Variants in ZGRF1 observed in about 807,000 individuals in gnomAD.
ZGRF1 encodes the protein 5'-3' DNA helicase ZGRF1.
ZGRF1 carries 196 observed loss-of-function variants against 203.5 expected under a neutral mutation model. That is an observed-to-expected ratio of 0.96 (90% CI 0.86 to 1.08). The LOEUF is 1.08. ZGRF1 is among the 50% of genes least tolerant of loss of function. The pLI, the probability that ZGRF1 is intolerant of heterozygous loss-of-function variation, is 0.00. For synonymous variants in ZGRF1, 809 were observed against 841.3 expected, an observed-to-expected ratio of 0.96 and a Z score of 0.66; for missense variants, 2,326 against 2,416.3, an observed-to-expected ratio of 0.96 and a Z score of 0.78.
intron 16 of ZGRF1, among the ~76,000 whole-genome samples, chr4:112,581,194 C>T (rs909143984): frequency 1.4e-5 from 2 of 147,594 alleles, no homozygotes; most frequent in East Asian, 4.0e-4. Flanking sequence ...AACCAAACAC[C>T]GCATGTTCTC....
Position 112,539,702 on chromosome 4 carries a change from T to C in ZGRF1, c.6173-13A>G, listed in dbSNP as rs1737154694. The C allele has an allele frequency of 1.3e-6, 2 of 1,589,748 alleles. No individual in the cohort carries two copies. Among genetic ancestry groups the C allele is most frequent in the East Asian group, 2.2e-5 (1 of 44,742 alleles). ...CCATCTTCCCTTCCTTAAAAAAACA[T>C]ACGACATGAGACAACTATTCTTTAT... On this transcript the variant is annotated splice_polypyrimidine_tract_variant and intron_variant, in intron 27 of 27. Transcript: ENST00000505019.
chr4:112,634,629 C>G (rs550779012), intron 1 of ZGRF1, among the ~76,000 whole-genome samples: 1 of 150,652 alleles, frequency 6.6e-6, no homozygotes, highest in Admixed American at 6.6e-5. Flanking sequence ...CCAGCCTGGG[C>G]GACAAGAGCA....
At chr4:112,598,759 A>G (rs1220235253) in intron 10 of ZGRF1, among the ~76,000 whole-genome samples, 1 of 152,180 alleles carries the variant, frequency 6.6e-6, no homozygotes, top group Non-Finnish European at 1.5e-5. Flanking sequence ...TTTTAGAAAA[A>G]TCATAATCAG....
At chr4:112,624,506 G>C (rs2047165388) in intron 3 of ZGRF1, among the ~76,000 whole-genome samples, 1 of 151,866 alleles carries the variant, frequency 6.6e-6, no homozygotes, top group Non-Finnish European at 1.5e-5. Context: ...ACACATTAAA[G>C]GGGACAAACA....
chr4:112,597,316 A>G (rs1214121352), intron 10 of ZGRF1, among the ~76,000 whole-genome samples: 1 of 151,708 alleles, frequency 6.6e-6, no homozygotes, highest in Non-Finnish European at 1.5e-5. Context: ...ACTTGAGGGC[A>G]GGAGTTTGAG....
chr4:112,596,125 A>T (rs1026181673), intron 10 of ZGRF1, among the ~76,000 whole-genome samples: 2 of 152,246 alleles, frequency 1.3e-5, no homozygotes, highest in African/African-American at 4.8e-5. Flanking sequence ...TTCAATATGG[A>T]ATACCTCTAA....
At chr4:112,615,805 T>C (rs2046847738) in intron 6 of ZGRF1, among the ~76,000 whole-genome samples, 1 of 151,558 alleles carries the variant, frequency 6.6e-6, no homozygotes, top group Non-Finnish European at 1.5e-5. Flanking sequence ...ATCTAATTTT[T>C]TATATTTTTA....
At chr4:112,612,248 G>A (rs1035585046) in intron 7 of ZGRF1, among the ~76,000 whole-genome samples, 2 of 152,214 alleles carry the variant, frequency 1.3e-5, no homozygotes, top group African/African-American at 4.8e-5. Flanking sequence ...TTACAGGCGT[G>A]AGCCTCCACG....
At chr4:112,562,077 T>G (rs536340302) in intron 18 of ZGRF1, among the ~76,000 whole-genome samples, 1 of 152,158 alleles carries the variant, frequency 6.6e-6, no homozygotes, top group East Asian at 1.9e-4. Flanking sequence ...GCCCAGCTAA[T>G]TTTGTATTTT....
rs766326162 is a variant in ZGRF1, at chr4:112,618,525, C to T, written c.1517G>A (p.Ser506Asn). The T allele has an allele frequency of 3.7e-6, 6 of 1,612,974 alleles. No homozygotes were observed. The African/African-American group carries it at 8.0e-5, about 22-fold the overall frequency. Residue 506 changes from serine (S) to asparagine (N), a missense_variant, in exon 6 of 28, where the codon AGT becomes AAT. Ser to Asn is a conservative substitution (Grantham distance 46, BLOSUM62 1). Coordinates refer to ENST00000505019, the MANE Select transcript of ZGRF1 (RefSeq NM_018392.5). The part of the protein sequence containing the change: ...SDDITDMISE[S>N]KMDNESLNSI... ...ATTAAGACTTTCATTATCCATTTTA[C>T]TTTCAGAAATCATGTCTGTAATGTC...
intron 4 of ZGRF1, among the ~76,000 whole-genome samples, chr4:112,620,794 G>A (rs1313013376): frequency 6.6e-6 from 1 of 150,894 alleles, no homozygotes; most frequent in Non-Finnish European, 1.5e-5. Context: ...AGACTAGGAG[G>A]TCAAGGCTGC....
At chr4:112,630,025 G>GAAA (rs752264790) in intron 3 of ZGRF1, 3 of 159,600 alleles carry the variant, frequency 1.9e-5, no homozygotes, top group Middle Eastern at 5.6e-4. Flanking sequence ...TCTAAAAAAA[G>GAAA]AAAAAAAAAA....
chr4:112,562,474 C>T lies in ZGRF1; in HGVS notation c.4594G>A (p.Ala1532Thr). ...SNWPTNMVVH[A>T]LLVCNASTEL... Reference sequence around the variant, plus strand: ...GTGCTAGCATTACAAACCAATAACGCATGGACAACCACTGTACAGAGGATG... The same window carrying T: ...GTGCTAGCATTACAAACCAATAACGTATGGACAACCACTGTACAGAGGATG... Residue 1532 changes from alanine (A) to threonine (T), a missense_variant, in exon 18 of 28, where the codon GCG (alanine) becomes ACG (threonine). Physicochemically the swap from Ala to Thr is moderately conservative, Grantham distance 58. Transcript: ENST00000505019. 3.8e-6 allele frequency: 6 copies of T among 1,591,812 alleles called. No individual in the cohort carries two copies. Among genetic ancestry groups the T allele is most frequent in the Non-Finnish European group, 5.2e-6 (6 of 1,162,840 alleles).
intron 16 of ZGRF1, among the ~76,000 whole-genome samples, chr4:112,575,288 T>G (rs940849557): frequency 6.6e-6 from 1 of 152,006 alleles, no homozygotes; most frequent in Non-Finnish European, 1.5e-5. Flanking sequence ...GGCCTAACAT[T>G]TGGGGGGAAG....
chr4:112,565,800 C>G (rs983805034), intron 16 of ZGRF1, among the ~76,000 whole-genome samples: 1 of 152,142 alleles, frequency 6.6e-6, no homozygotes, highest in Non-Finnish European at 1.5e-5. Context: ...CAATGAGATA[C>G]CATCTCACAC....
chr4:112,610,958 C>G (rs1298481795), intron 7 of ZGRF1: 1 of 292,294 alleles, frequency 3.4e-6, no homozygotes, highest in Non-Finnish European at 6.6e-6. Flanking sequence ...ACAAAAAAAT[C>G]TGGAAACATT....
chr4:112,560,889 T>G lies in ZGRF1; in HGVS notation c.4804A>C (p.Thr1602Pro). Residue 1602 changes from threonine (T) to proline (P), a missense_variant, in exon 19 of 28, where the codon ACA becomes CCA. Coordinates refer to ENST00000505019, the MANE Select transcript of ZGRF1 (RefSeq NM_018392.5). ...TKFELLSLGA[T>P]LKLASELIQV... ...ATCAACTCACTAGCTAACTTCAATG[T>G]TGCTCCTAGGCTGAGTAGTTCAAAT... 1 of 1,613,776 alleles carries G rather than the reference T, an allele frequency of 6.2e-7. No homozygotes were observed. The highest frequency in any genetic ancestry group is 1.1e-5 in the South Asian group (1 of 91,078).
At position 112,581,666 on chromosome 4, in the gene ZGRF1, TGCTATAA is replaced by T. The variant is rs1560799441; in HGVS notation, c.4428_4434del (p.Tyr1477LysfsTer11). 1 of 1,575,826 alleles carries T rather than the reference TGCTATAA, an allele frequency of 6.3e-7. No individual in the cohort carries two copies. The highest frequency in any genetic ancestry group is 8.6e-7 in the Non-Finnish European group (1 of 1,166,266). Reference sequence around the variant, plus strand: ...CAGTATGATCAGATCAACTTACTTTTGCTATAAGCTGAAGATCTTTCCTTCCGACTTA... The same window carrying T: ...CAGTATGATCAGATCAACTTACTTTTGCTGAAGATCTTTCCTTCCGACTTA... On this transcript the variant is annotated frameshift_variant, in exon 16 of 28. Coordinates refer to ENST00000505019, the MANE Select transcript of ZGRF1 (RefSeq NM_018392.5). LOFTEE classifies it high-confidence loss of function.
At chr4:112,547,058 A>T (rs1352683383) in intron 24 of ZGRF1, among the ~76,000 whole-genome samples, 2 of 152,080 alleles carry the variant, frequency 1.3e-5, no homozygotes. Context: ...AAAGTTATAT[A>T]CTCCTACCCA....
Sources: allele counts gnomAD v4.1 joint callset (sites outside exome capture counted in the v4.1 genomes callset), GRCh38; gene constraint gnomAD v4.1.1; transcripts MANE v1.5; gene names NCBI Gene and HGNC (gene_info 2026-07-23, HGNC 2026-07-21).